The following PCSK5 variants were observed in gnomAD, a reference collection of about 807,000 sequenced individuals.
PCSK5 encodes prohormone convertase 5.
A neutral mutation model predicts 233.2 loss-of-function variants in PCSK5; 129 were observed. The ratio of observed to expected loss-of-function variants is 0.55; its 90% CI spans 0.48 to 0.64. The LOEUF is 0.64. Ranked by LOEUF, PCSK5 falls within the 30% of genes least tolerant of loss-of-function variation. The pLI is 0.00. For synonymous variants in PCSK5, 825 were observed against 879.2 expected (o/e 0.94, Z 1.09); for missense variants, 2,076 against 2,430.1 (o/e 0.85, Z 3.06).
In PCSK5 at chr9:76,296,347, C is replaced by G. The variant is rs146154212; in HGVS notation, c.3323-318C>G. ...TGAAAACAAATGCAAAGGCTGGACACAGTGGCCTGGCCAACATGGTGAAAC... is the reference window on the plus strand; with the variant it reads ...TGAAAACAAATGCAAAGGCTGGACAGAGTGGCCTGGCCAACATGGTGAAAC... On this transcript the variant is annotated intron_variant, in intron 26 of 37. Transcript: ENST00000674117. Among the ~76,000 whole-genome samples, 357 of 152,290 alleles carry G rather than the reference C, an allele frequency of 2.3e-3. 2 individuals are homozygous for G. In the East Asian group the frequency reaches 0.032, roughly 13 times the overall value.
chr9:75,962,910 G>A (rs1177999531), intron 2 of PCSK5, among the ~76,000 whole-genome samples: 2 of 152,258 alleles, frequency 1.3e-5, no homozygotes, highest in African/African-American at 2.4e-5. Context: ...TTGGTTAATC[G>A]CATGGGTTCT....
intron 1 of PCSK5, among the ~76,000 whole-genome samples, chr9:75,924,242 T>C (rs1429052536): frequency 6.6e-6 from 1 of 152,158 alleles, no homozygotes; most frequent in Non-Finnish European, 1.5e-5. Flanking sequence ...GTGATTTTGC[T>C]CTGAGTTCAT....
chr9:76,032,245 C>T (rs901712173), intron 5 of PCSK5, among the ~76,000 whole-genome samples: 3 of 152,106 alleles, frequency 2.0e-5, no homozygotes, highest in Non-Finnish European at 4.4e-5. Context: ...GTCATACTTG[C>T]CTGCGTTTGT....
intron 27 of PCSK5, among the ~76,000 whole-genome samples, chr9:76,300,931 G>C (rs1349371729): frequency 1.3e-5 from 2 of 152,140 alleles, no homozygotes; most frequent in Non-Finnish European, 2.9e-5. Flanking sequence ...TTTAACACTT[G>C]AAACACCAGT....
At chr9:76,248,505 G>C (rs1156804449) in intron 24 of PCSK5, among the ~76,000 whole-genome samples, 1 of 152,084 alleles carries the variant, frequency 6.6e-6, no homozygotes, top group Non-Finnish European at 1.5e-5. Flanking sequence ...AAAGAATTAG[G>C]AAATCATCAT....
intron 20 of PCSK5, among the ~76,000 whole-genome samples, chr9:76,203,648 G>T (rs1463316624): frequency 6.6e-6 from 1 of 152,104 alleles, no homozygotes; most frequent in East Asian, 1.9e-4. Flanking sequence ...CAGAGAACCA[G>T]CTGAGCCGCA....
chr9:76,155,880 T>C (rs540985619), intron 10 of PCSK5, among the ~76,000 whole-genome samples: 5 of 152,284 alleles, frequency 3.3e-5, no homozygotes, highest in African/African-American at 1.2e-4. Flanking sequence ...TCAGGCCAAG[T>C]TCTCAGCCTG....
intron 22 of PCSK5, among the ~76,000 whole-genome samples, chr9:76,238,301 T>C (rs1446016546): frequency 6.6e-6 from 1 of 152,184 alleles, no homozygotes; most frequent in African/African-American, 2.4e-5. Context: ...CAAATTCCCA[T>C]GGTCTGTTAG....
chr9:76,310,737 A>C lies in PCSK5; in HGVS notation c.3770A>C (p.Asn1257Thr). ...WPSVRSGSCE[N>T]CTEACAICSG... ...TCCGTAAGGAGTGGGAGCTGCGAGA[A>C]CTGTACGGAGGCCTGTGCCATCTGC... The change falls in exon 30 of 38, where the codon AAC (asparagine) becomes ACC (threonine). Residue 1257 changes from asparagine (N) to threonine (T), a missense_variant. By Grantham distance (65) the Asn-to-Thr change is moderately conservative. Around this residue, in one of 6 missense-constraint regions of PCSK5, gnomAD observed 1,510 missense variants for 1,538.1 expected, o/e 0.98. Transcript: ENST00000674117. The C allele has an allele frequency of 6.2e-7, 1 of 1,612,258 alleles. No individual in the cohort carries two copies. The highest frequency in any genetic ancestry group is 2.2e-5 in the East Asian group (1 of 44,832).
At chr9:76,133,015 G>A (rs1170951345) in intron 9 of PCSK5, among the ~76,000 whole-genome samples, 1 of 152,060 alleles carries the variant, frequency 6.6e-6, no homozygotes, top group African/African-American at 2.4e-5. Context: ...AGACCTCAGT[G>A]TCCATACACC....
intron 13 of PCSK5, among the ~76,000 whole-genome samples, chr9:76,174,045 A>G (rs72734670): frequency 0.19 from 29,123 of 152,042 alleles, 2,927 homozygotes; most frequent in Non-Finnish European, 0.23. Flanking sequence ...GTCCAGTAGG[A>G]TGGCCACTAG....
At chr9:76,263,125 A>G (rs887096967) in intron 24 of PCSK5, among the ~76,000 whole-genome samples, 3 of 151,874 alleles carry the variant, frequency 2.0e-5, no homozygotes, top group Non-Finnish European at 4.4e-5. Flanking sequence ...AAGTCAGGAA[A>G]CAACAGGTGC....
chr9:76,333,935 T>A (rs1431726201), intron 34 of PCSK5, among the ~76,000 whole-genome samples: 1 of 152,188 alleles, frequency 6.6e-6, no homozygotes, highest in African/African-American at 2.4e-5. Flanking sequence ...ACTGTGTTTG[T>A]TTTCACGCGG....
At chr9:76,276,176 A>T (rs1477999496) in intron 24 of PCSK5, among the ~76,000 whole-genome samples, 2 of 152,306 alleles carry the variant, frequency 1.3e-5, no homozygotes, top group South Asian at 4.1e-4. Flanking sequence ...CCACAGTCTT[A>T]GTTTATCCCT....
rs1472310430 is a variant in PCSK5, at chr9:76,338,427, C to T, written c.4946C>T (p.Pro1649Leu). 10 of 1,611,136 alleles carry T rather than the reference C, an allele frequency of 6.2e-6. No individual in the cohort carries two copies. The highest frequency in any genetic ancestry group is 2.2e-5 in the South Asian group (2 of 91,002). ...ACACAGACCTGTGAGAGATGCCATC[C>T]GACTTGTGATCAATGCAAAGGTGAG... ...QSTQTCERCH[P>L]TCDQCKGKGA... Residue 1649 changes from proline (P) to leucine (L), a missense_variant, in exon 35 of 38, where the codon CCG becomes CTG. Coordinates refer to ENST00000674117, the MANE Select transcript of PCSK5 (RefSeq NM_001372043.1).
chr9:75,928,226 A>G lies in PCSK5; in HGVS notation c.193-4153A>G, dbSNP rs533242228. 6.6e-5 allele frequency among the ~76,000 whole-genome samples: 10 copies of G among 152,194 alleles called. No homozygotes were observed. In the East Asian group the frequency reaches 1.2e-3, roughly 18 times the overall value. ...AAGGTTGGGCTTTGCACTATTTGCT[A>G]TCGATTTTATACTTCATATACTCCT... On this transcript the variant is annotated intron_variant, in intron 1 of 37. Coordinates refer to ENST00000674117, the MANE Select transcript of PCSK5 (RefSeq NM_001372043.1).
At chr9:76,338,080 A>G (rs1273146854) in intron 34 of PCSK5, 150 bp from the exon 35 acceptor site, 3 of 621,142 alleles carry the variant, frequency 4.8e-6, no homozygotes, top group Non-Finnish European at 8.6e-6. Context: ...CATTGGATTC[A>G]TTAGTGTTAT....
At chr9:76,297,935 A>G (rs1485695501) in intron 27 of PCSK5, among the ~76,000 whole-genome samples, 1 of 152,142 alleles carries the variant, frequency 6.6e-6, no homozygotes, top group African/African-American at 2.4e-5. Context: ...CCCAGCAGCC[A>G]AAGGCCACGG....
chr9:76,288,297 G>A (rs994617633), intron 24 of PCSK5, among the ~76,000 whole-genome samples: 1 of 152,206 alleles, frequency 6.6e-6, no homozygotes, highest in Non-Finnish European at 1.5e-5. Flanking sequence ...CCAAGGACTG[G>A]CCTGTAATAC....
Sources: allele counts gnomAD v4.1 joint callset (sites outside exome capture counted in the v4.1 genomes callset), GRCh38; gene constraint gnomAD v4.1.1; regional missense constraint gnomAD v4.1.1; transcripts MANE v1.5; gene names NCBI Gene and HGNC (gene_info 2026-07-23, HGNC 2026-07-21).